The following KCTD16 variants were observed in gnomAD, a reference collection of about 807,000 sequenced individuals.
KCTD16 encodes potassium channel tetramerization domain containing 16.
KCTD16 carries 13 observed loss-of-function variants against 33.2 expected under a neutral mutation model. The observed-to-expected ratio is 0.39, with a 90% CI of 0.25 to 0.62. KCTD16 has a LOEUF of 0.62. KCTD16 is among the 20% of genes least tolerant of loss of function. KCTD16 has a pLI of 0.50. For synonymous variants in KCTD16, 197 were observed against 195.3 expected, an observed-to-expected ratio of 1.01 and a Z score of -0.07; for missense variants, 441 against 525.1, an observed-to-expected ratio of 0.84 and a Z score of 1.57.
chr5:144,476,531 C>T lies in KCTD16; in HGVS notation c.*2417C>T, dbSNP rs1487304229. 1 of 152,150 alleles carries T rather than the reference C, an allele frequency of 6.6e-6. No individual in the cohort carries two copies. The highest frequency in any genetic ancestry group is 1.5e-5 in the Non-Finnish European group (1 of 68,012). 9.4% of individuals were successfully genotyped at this position (152,150 alleles called of 1,614,324 possible). The stretch of plus-strand genomic sequence containing the variant: ...CAGTGAACAAAGCTGGAATAGAAAA[C>T]CTGTTTAAAACCATCACAACAGCAA... On this transcript the variant is annotated 3_prime_UTR_variant, in exon 4 of 4. Coordinates refer to ENST00000512467, the MANE Select transcript of KCTD16 (RefSeq NM_020768.4).
chr5:144,345,940 G>T (rs976581149), intron 3 of KCTD16, among the ~76,000 whole-genome samples: 5 of 148,332 alleles, frequency 3.4e-5, no homozygotes, highest in African/African-American at 1.3e-4. Flanking sequence ...CAAATAGTAG[G>T]TCTTATTCAT....
At chr5:144,383,876 A>C (rs1440884009) in intron 3 of KCTD16, among the ~76,000 whole-genome samples, 1 of 152,228 alleles carries the variant, frequency 6.6e-6, no homozygotes, top group African/African-American at 2.4e-5. Context: ...ATGGGTTTGA[A>C]ACACTTCGTT....
chr5:144,438,043 TATTG>T (rs1753618709), intron 3 of KCTD16, among the ~76,000 whole-genome samples: 2 of 152,342 alleles, frequency 1.3e-5, no homozygotes, highest in South Asian at 4.1e-4. Context: ...ATTTTTAAAA[TATTG>T]ATTACGTGTG....
At chr5:144,217,775 T>C (rs1194800521) in intron 3 of KCTD16, among the ~76,000 whole-genome samples, 1 of 152,112 alleles carries the variant, frequency 6.6e-6, no homozygotes, top group Non-Finnish European at 1.5e-5. Flanking sequence ...ATTAACAATC[T>C]GCATATACTT....
intron 3 of KCTD16, among the ~76,000 whole-genome samples, chr5:144,272,837 G>GA (rs917892069): frequency 1.3e-5 from 2 of 151,688 alleles, no homozygotes; most frequent in African/African-American, 4.8e-5. Context: ...ACTCAAAATG[G>GA]AAAAAAGATC....
At chr5:144,240,687 G>A (rs1754379218) in intron 3 of KCTD16, among the ~76,000 whole-genome samples, 1 of 152,098 alleles carries the variant, frequency 6.6e-6, no homozygotes, top group South Asian at 2.1e-4. Context: ...CCTCCCATCT[G>A]TGAAAGTCCC....
In KCTD16 at chr5:144,254,767, T is replaced by A. The variant is rs142650575; in HGVS notation, c.832+47221T>A. On this transcript the variant is annotated intron_variant, in intron 3 of 3. Coordinates refer to ENST00000512467, the MANE Select transcript of KCTD16 (RefSeq NM_020768.4). ...CTCATATAAGTGGAAGCATGCAGTA[T>A]TTGTCTTTCTTTTTTTTTTAATCAC... Among the ~76,000 whole-genome samples the A allele has an allele frequency of 5.4e-3, 818 of 151,828 alleles. 2 individuals carry two copies. Among genetic ancestry groups the A allele is most frequent in the Middle Eastern group, 0.017 (5 of 292 alleles).
chr5:144,212,371 T>C (rs956090521), intron 3 of KCTD16, among the ~76,000 whole-genome samples: 4 of 152,174 alleles, frequency 2.6e-5, no homozygotes, highest in African/African-American at 9.7e-5. Context: ...AGTTTCTTCC[T>C]GGGTCTGTGG....
At chr5:144,283,749 ATAC>A (rs760247041) in intron 3 of KCTD16, among the ~76,000 whole-genome samples, 3 of 152,202 alleles carry the variant, frequency 2.0e-5, no homozygotes, top group Non-Finnish European at 1.5e-5. Flanking sequence ...GGTTTGCTGA[ATAC>A]TACTGTTTGG....
intron 3 of KCTD16, among the ~76,000 whole-genome samples, chr5:144,230,053 A>G (rs1203144234): frequency 6.6e-6 from 1 of 152,166 alleles, no homozygotes; most frequent in Admixed American, 6.5e-5. Context: ...GAGGGACAAG[A>G]ATCATTTGAA....
chr5:144,226,583 T>C (rs143733510), intron 3 of KCTD16, among the ~76,000 whole-genome samples: 54 of 152,026 alleles, frequency 3.6e-4, no homozygotes, highest in African/African-American at 1.3e-3. Flanking sequence ...AATATGTCTT[T>C]TTTTTTTTTG....
intron 3 of KCTD16, chr5:144,439,299 G>T: frequency 2.2e-6 from 1 of 462,402 alleles, no homozygotes; most frequent in South Asian, 1.9e-5. Flanking sequence ...AGCCAAGCTG[G>T]TCCCTAAAAC....
At chr5:144,444,449 A>T (rs561938974) in intron 3 of KCTD16, among the ~76,000 whole-genome samples, 1 of 152,168 alleles carries the variant, frequency 6.6e-6, no homozygotes, top group African/African-American at 2.4e-5. Flanking sequence ...TCTATTATAG[A>T]TTTCCCAGAA....
At chr5:144,298,236 T>G (rs1338314050) in intron 3 of KCTD16, among the ~76,000 whole-genome samples, 1 of 152,064 alleles carries the variant, frequency 6.6e-6, no homozygotes, top group Non-Finnish European at 1.5e-5. Flanking sequence ...GAGTCCCAGG[T>G]CAGAGAACAC....
At chr5:144,271,736 T>C (rs1755298956) in intron 3 of KCTD16, among the ~76,000 whole-genome samples, 1 of 151,498 alleles carries the variant, frequency 6.6e-6, no homozygotes, top group Non-Finnish European at 1.5e-5. Context: ...TGATGTGATC[T>C]GGTATGTCTA....
At position 144,477,546 on chromosome 5, in the gene KCTD16, C is replaced by T. The variant is rs1175929733; in HGVS notation, c.*3432C>T. 1 of 152,056 alleles carries T rather than the reference C, an allele frequency of 6.6e-6. No individual in the cohort carries two copies. The highest frequency in any genetic ancestry group is 1.5e-5 in the Non-Finnish European group (1 of 67,998). 9.4% of individuals were successfully genotyped at this position (152,056 alleles called of 1,614,324 possible). ...TTTATCCATAGGCACAGGTGTGTTG[C>T]TTGTTCTGGGCCCCATTACTGCCTG... On this transcript the variant is annotated 3_prime_UTR_variant, in exon 4 of 4. Transcript: ENST00000512467.
intron 3 of KCTD16, among the ~76,000 whole-genome samples, chr5:144,236,419 C>T (rs1446043510): frequency 6.6e-6 from 1 of 152,006 alleles, no homozygotes; most frequent in Non-Finnish European, 1.5e-5. Context: ...AGGGATGATT[C>T]CATAGAAATT....
chr5:144,367,859 A>T (rs1580906985), intron 3 of KCTD16, among the ~76,000 whole-genome samples: 1 of 149,168 alleles, frequency 6.7e-6, no homozygotes, highest in East Asian at 2.0e-4. Context: ...CTTTTTGTCC[A>T]TGAGTACCTG....
At chr5:144,386,168 C>A (rs760538141) in intron 3 of KCTD16, among the ~76,000 whole-genome samples, 3 of 152,158 alleles carry the variant, frequency 2.0e-5, no homozygotes, top group Non-Finnish European at 4.4e-5. Context: ...TTCTTTTCTA[C>A]AGAGCTCAAT....
Sources: gnomAD v4.1 joint callset for allele counts (sites outside exome capture counted in the v4.1 genomes callset) on GRCh38, gnomAD v4.1.1 for gene constraint, MANE v1.5 for transcripts, NCBI Gene and HGNC (gene_info 2026-07-23, HGNC 2026-07-21) for gene names.